MRPS2: variants seen among roughly 807,000 people sequenced by gnomAD.
The protein encoded by MRPS2 is small ribosomal subunit protein uS2m.
MRPS2 carries 13 observed loss-of-function variants against 18.9 expected under a neutral mutation model. The observed-to-expected ratio is 0.69, with a 90% CI of 0.45 to 1.09. The LOEUF (loss-of-function observed/expected upper bound fraction) is 1.09, where lower values mean the gene tolerates loss of function less well. Among genes scored for constraint, MRPS2 ranks in the 50% least tolerant of loss-of-function variants. The pLI, the probability that MRPS2 is intolerant of heterozygous loss-of-function variation, is 0.00. For missense variants in MRPS2, 389 were observed against 421.7 expected (o/e 0.92, Z 0.68); for synonymous variants, 186 against 178.4 (o/e 1.04, Z -0.34).
chr9:135,500,580 G>T, upstream of MRPS2: 1 of 1,064,974 alleles, frequency 9.4e-7, no homozygotes, highest in Non-Finnish European at 1.3e-6. Context: ...GGAGGTCCCA[G>T]CCGCCTGGGG....
chr9:135,500,831 C>A (rs1461918921), intron 1 of MRPS2, 78 bp downstream of exon 1: 1 of 1,485,282 alleles, frequency 6.7e-7, no homozygotes, highest in African/African-American at 1.4e-5. Context: ...GATGGAGCGG[C>A]GGGGACGTGG....
At chr9:135,503,139 A>C in intron 3 of MRPS2, 1 of 1,051,748 alleles carries the variant, frequency 9.5e-7, no homozygotes, top group Non-Finnish European at 1.1e-6. Context: ...GGCCCAGAGC[A>C]CCCCGCTAAG....
intron 3 of MRPS2, chr9:135,502,365 G>GTT: frequency 1.4e-6 from 1 of 709,084 alleles, no homozygotes; most frequent in Non-Finnish European, 1.8e-6. Flanking sequence ...TGTGGGGGGA[G>GTT]GGGATGGGAG....
chr9:135,501,197 A>AGG (rs1172847200), intron 2 of MRPS2, 74 bp downstream of exon 2: 4 of 1,493,864 alleles, frequency 2.7e-6, no homozygotes, highest in Middle Eastern at 2.1e-4. Flanking sequence ...CGAACCCTAG[A>AGG]GGGGCCTGGG....
Position 135,501,067 on chromosome 9 carries a change from G to A in MRPS2, c.113G>A (p.Arg38His), listed in dbSNP as rs748811156. Residue 38 changes from arginine (R) to histidine (H), a missense_variant, in exon 2 of 4, where the codon CGC becomes CAC. Physicochemically the swap from Arg to His is conservative, Grantham distance 29. Transcript: ENST00000241600. ...KATPRPARPS[R>H]RTLGSATALM... ...ACCCCCCGGCCTGCTCGGCCGAGCC[G>A]CAGGACGCTTGGAAGCGCGACGGCC... is the stretch of plus-strand genomic sequence containing the variant. The A allele has an allele frequency of 1.2e-6, 2 of 1,610,384 alleles. No individual in the cohort carries two copies. The highest frequency in any genetic ancestry group is 2.2e-5 in the East Asian group (1 of 44,776).
At position 135,500,736 on chromosome 9, in the gene MRPS2, C is replaced by A. The variant is rs1178444848; in HGVS notation, c.26C>A (p.Pro9His). ...ATGGCGACATCCTCGGCCGCGCTGC[C>A]CCGAATACTCGGCGCGGGTGAGCGC... MATSSAAL[P>H]RILGAGARAP... The change falls in exon 1 of 4, where the codon CCC becomes CAC. Residue 9 changes from proline (P) to histidine (H), a missense_variant. Transcript: ENST00000241600. The A allele has an allele frequency of 6.7e-7, 1 of 1,486,776 alleles. No homozygotes were observed. Among genetic ancestry groups the A allele is most frequent in the South Asian group, 1.3e-5 (1 of 75,412 alleles). The allele number at this position is 1,486,776 out of a possible 1,614,324, so 92.1% of individuals were successfully genotyped here. A position where few individuals can be genotyped will look rare whatever the true frequency, so the allele number is the denominator to read the frequency against.
At position 135,500,923 on chromosome 9, in the gene MRPS2, C is replaced by T. The variant is rs751869833; in HGVS notation, c.44-75C>T. ...GACCCGTTAGGGACGCGGAGGGGCC[C>T]GTTGGGGATGCGGTGGGGAGCGGGC... On this transcript the variant is annotated intron_variant, in intron 1 of 3. Transcript: ENST00000241600. 1.8e-5 allele frequency: 28 copies of T among 1,592,598 alleles called. No homozygotes were observed. The South Asian group carries it at 2.8e-4, about 16-fold the overall frequency.
chr9:135,503,173 C>T (rs1831190972), intron 3 of MRPS2: 8 of 1,081,984 alleles, frequency 7.4e-6, no homozygotes, highest in South Asian at 3.2e-5. Context: ...GGGCCTCATC[C>T]GCAAAGCCTC....
Position 135,503,779 on chromosome 9 carries a change from G to A in MRPS2, c.537G>A (p.Ala179=), listed in dbSNP as rs752924003. ...TCAGGGGCGGCATGCTGACCAACGC[G>A]CGCCTCCTCTTTGGCCCCACGGTCC... The part of the protein sequence containing the change: ...RYFRGGMLTN[A]RLLFGPTVRL... The change falls in exon 4 of 4, where the codon GCG becomes GCA. Residue 179 remains alanine (A), a synonymous_variant. Coordinates refer to ENST00000241600, the MANE Select transcript of MRPS2 (RefSeq NM_016034.5). 7.4e-5 allele frequency: 119 copies of A among 1,612,740 alleles called. No homozygotes were observed. Among genetic ancestry groups the A allele is most frequent in the Non-Finnish European group, 9.3e-5 (110 of 1,179,974 alleles).
intron 2 of MRPS2, 87 bp downstream of exon 2, chr9:135,501,210 C>T (rs1272796118): frequency 4.8e-6 from 7 of 1,460,606 alleles, no homozygotes; most frequent in Non-Finnish European, 9.0e-7. Flanking sequence ...GGCCTGGGCG[C>T]TGCACGCGGT....
rs944029861 is a variant in MRPS2, at chr9:135,504,305, C to T, written c.*172C>T. On this transcript the variant is annotated 3_prime_UTR_variant, in exon 4 of 4. Transcript: ENST00000241600. The surrounding 1 kb of genome is among the most constrained non-coding windows in gnomAD (Gnocchi z 4.3). Reference sequence around the variant, plus strand: ...CCAGTGGCTGAGCGGACCAACGTTGCCATGTGCGTTTGCTCTGTGGGGAAC... The same window carrying T: ...CCAGTGGCTGAGCGGACCAACGTTGTCATGTGCGTTTGCTCTGTGGGGAAC... The T allele has an allele frequency of 2.3e-5, 15 of 659,212 alleles. No homozygotes were observed. Among genetic ancestry groups the T allele is most frequent in the Non-Finnish European group, 3.8e-5 (15 of 390,892 alleles). The allele number at this position is 659,212 out of a possible 1,614,324, so 40.8% of individuals were successfully genotyped here. A position where few individuals can be genotyped will look rare whatever the true frequency, so the allele number is the denominator to read the frequency against.
Position 135,500,745 on chromosome 9 carries a change from T to C in MRPS2, c.35T>C (p.Leu12Pro). The C allele has an allele frequency of 6.8e-7, 1 of 1,480,942 alleles. No homozygotes were observed. The highest frequency in any genetic ancestry group is 2.6e-5 in the East Asian group (1 of 38,440). 91.7% of individuals were successfully genotyped at this position (1,480,942 alleles called of 1,614,324 possible). A position where few individuals can be genotyped will look rare whatever the true frequency, so the allele number is the denominator to read the frequency against. The change falls in exon 1 of 4, where the codon CTC becomes CCC. Residue 12 changes from leucine (L) to proline (P), a missense_variant. Transcript: ENST00000241600. ...ATSSAALPRI[L>P]GAGARAPSRW... Reference sequence around the variant, plus strand: ...TCCTCGGCCGCGCTGCCCCGAATACTCGGCGCGGGTGAGCGCGCGCTTGCG... The same window carrying C: ...TCCTCGGCCGCGCTGCCCCGAATACCCGGCGCGGGTGAGCGCGCGCTTGCG...
At chr9:135,503,447 G>C in intron 3 of MRPS2, 95 bp from the exon 4 acceptor site, 22 of 1,413,102 alleles carry the variant, frequency 1.6e-5, no homozygotes, top group Non-Finnish European at 2.1e-5. Context: ...AGAGGAGCCC[G>C]GGAGTCCCTG....
intron 1 of MRPS2, 39 bp downstream of exon 1, chr9:135,500,792 G>A (rs1271951722): frequency 4.0e-6 from 6 of 1,489,916 alleles, no homozygotes; most frequent in African/African-American, 1.4e-5. Flanking sequence ...AGGAGCATGC[G>A]AGGAGGATGC....
Position 135,503,525 on chromosome 9 carries a change from G to C in MRPS2, c.300-17G>C. The C allele has an allele frequency of 6.2e-7, 1 of 1,606,482 alleles. No homozygotes were observed. Among genetic ancestry groups the C allele is most frequent in the Non-Finnish European group, 8.5e-7 (1 of 1,175,416 alleles). On this transcript the variant is annotated splice_polypyrimidine_tract_variant and intron_variant, in intron 3 of 3. Coordinates refer to ENST00000241600, the MANE Select transcript of MRPS2 (RefSeq NM_016034.5). Reference sequence around the variant, plus strand: ...CGTGAACTCTCATCCCCCTTGCCTTGGTGGGGTCTCTGGCAGGTTTATGGA... The same window carrying C: ...CGTGAACTCTCATCCCCCTTGCCTTCGTGGGGTCTCTGGCAGGTTTATGGA...
At position 135,504,190 on chromosome 9, in the gene MRPS2, C is replaced by T. The variant is rs1831233538; in HGVS notation, c.*57C>T. The T allele has an allele frequency of 2.1e-6, 3 of 1,437,538 alleles. No individual in the cohort carries two copies. Among genetic ancestry groups the T allele is most frequent in the Non-Finnish European group, 2.8e-6 (3 of 1,078,518 alleles). 89.0% of individuals were successfully genotyped at this position (1,437,538 alleles called of 1,614,324 possible). A position where few individuals can be genotyped will look rare whatever the true frequency, so the allele number is the denominator to read the frequency against. ...CAAGCCTGTCTGAGCTGGGAGTCCC[C>T]TTCCCCAGCCCTGGGTCAGCGGCAT... is the stretch of plus-strand genomic sequence containing the variant. On this transcript the variant is annotated 3_prime_UTR_variant, in exon 4 of 4. Coordinates refer to ENST00000241600, the MANE Select transcript of MRPS2 (RefSeq NM_016034.5). The surrounding 1 kb of genome is among the most constrained non-coding windows in gnomAD (Gnocchi z 4.3).
At position 135,504,089 on chromosome 9, in the gene MRPS2, G is replaced by C; in HGVS notation, c.847G>C (p.Gly283Arg). Residue 283 changes from glycine (G) to arginine (R), a missense_variant, in exon 4 of 4, where the codon GGG becomes CGG. Coordinates refer to ENST00000241600, the MANE Select transcript of MRPS2 (RefSeq NM_016034.5). The surrounding 1 kb of genome is among the most constrained non-coding windows in gnomAD (Gnocchi z 4.3). The part of the protein sequence containing the change: ...LQGQKEPGDQ[G>R]PAHPPGADMS... The stretch of plus-strand genomic sequence containing the variant: ...GGGCCAGAAGGAGCCCGGGGACCAG[G>C]GGCCAGCCCACCCTCCTGGGGCTGA... 1 of 1,611,880 alleles carries C rather than the reference G, an allele frequency of 6.2e-7. No homozygotes were observed. Among genetic ancestry groups the C allele is most frequent in the Non-Finnish European group, 8.5e-7 (1 of 1,179,910 alleles).
Position 135,501,042 on chromosome 9 carries a change from A to T in MRPS2, c.88A>T (p.Thr30Ser), listed in dbSNP as rs756128845. Residue 30 changes from threonine (T) to serine (S), a missense_variant, in exon 2 of 4, where the codon ACC (threonine) becomes TCC (serine). Transcript: ENST00000241600. ...CTGGTTGGGCTTTCTCGGGAAGGCG[A>T]CCCCCCGGCCTGCTCGGCCGAGCCG... ...SRWLGFLGKA[T>S]PRPARPSRRT... 1.3e-6 allele frequency: 2 copies of T among 1,597,814 alleles called. No homozygotes were observed. The highest frequency in any genetic ancestry group is 3.4e-5 in the Admixed American group (2 of 58,306).
intron 2 of MRPS2, 76 bp from the exon 3 acceptor site, chr9:135,501,768 T>C: frequency 6.3e-7 from 1 of 1,575,304 alleles, no homozygotes; most frequent in South Asian, 1.2e-5. Context: ...GGAGCAGGGG[T>C]GGGCGGGAAC....
Sources: allele counts gnomAD v4.1 joint callset, GRCh38; gene constraint gnomAD v4.1.1; non-coding constraint Gnocchi (gnomAD v3.1); transcripts MANE v1.5; gene names NCBI Gene and HGNC (gene_info 2026-07-23, HGNC 2026-07-21).